The following SGCZ variants were observed in gnomAD, a reference collection of about 807,000 sequenced individuals.
SGCZ encodes the protein sarcoglycan zeta.
In SGCZ, 40 loss-of-function variants were observed where a neutral mutation model predicts 41.3. The observed-to-expected ratio is 0.97, with a 90% CI of 0.75 to 1.26. The LOEUF is 1.26. SGCZ is among the 50% of genes most tolerant of loss of function. SGCZ has a pLI of 0.00. For synonymous variants in SGCZ, 206 were observed against 137.5 expected, an observed-to-expected ratio of 1.50 and a Z score of -3.49; for missense variants, 552 against 369.8, an observed-to-expected ratio of 1.49 and a Z score of -4.04.
intron 1 of SGCZ, among the ~76,000 whole-genome samples, chr8:14,902,617 G>A (rs1435263567): frequency 6.6e-6 from 1 of 152,110 alleles, no homozygotes; most frequent in African/African-American, 2.4e-5. Flanking sequence ...GGGATTTGGT[G>A]AATACTATGC....
intron 1 of SGCZ, among the ~76,000 whole-genome samples, chr8:14,945,150 T>C (rs889488990): frequency 5.6e-5 from 4 of 71,334 alleles, no homozygotes; most frequent in Non-Finnish European, 1.0e-4. Flanking sequence ...TTAGGCAATG[T>C]TGTGTGTGGG....
intron 1 of SGCZ, among the ~76,000 whole-genome samples, chr8:14,710,806 T>A (rs1809491770): frequency 6.6e-6 from 1 of 152,160 alleles, no homozygotes; most frequent in African/African-American, 2.4e-5. Context: ...AACAACAACA[T>A]AAATCTTTTT....
intron 1 of SGCZ, among the ~76,000 whole-genome samples, chr8:15,157,092 T>C (rs1799354096): frequency 6.6e-6 from 1 of 152,168 alleles, no homozygotes; most frequent in Admixed American, 6.5e-5. Context: ...CATACATACC[T>C]GTACCCAAAT....
intron 3 of SGCZ, among the ~76,000 whole-genome samples, chr8:14,292,016 C>A (rs1310245332): frequency 1.3e-5 from 2 of 151,944 alleles, no homozygotes; most frequent in African/African-American, 4.8e-5. Flanking sequence ...AGAAATAATG[C>A]ATCATATTTT....
chr8:14,648,203 C>CA (rs898044860), intron 1 of SGCZ, among the ~76,000 whole-genome samples: 19 of 152,084 alleles, frequency 1.2e-4, no homozygotes, highest in Admixed American at 9.2e-4. Context: ...TCAAAATAAT[C>CA]AAAAAATATT....
chr8:15,201,775 C>A (rs1456138478), intron 1 of SGCZ, among the ~76,000 whole-genome samples: 1 of 152,172 alleles, frequency 6.6e-6, no homozygotes, highest in South Asian at 2.1e-4. Flanking sequence ...TGGTAACATA[C>A]TTGAAAAGCA....
At chr8:14,303,833 C>G (rs545864169) in intron 3 of SGCZ, among the ~76,000 whole-genome samples, 2 of 152,182 alleles carry the variant, frequency 1.3e-5, no homozygotes, top group Non-Finnish European at 2.9e-5. Context: ...CTCACTGCAA[C>G]CTCCATTCCC....
At chr8:14,567,284 G>A (rs1804401443) in intron 1 of SGCZ, among the ~76,000 whole-genome samples, 1 of 152,230 alleles carries the variant, frequency 6.6e-6, no homozygotes, top group Admixed American at 6.5e-5. Context: ...TCCACTGGGT[G>A]AAGCCAGCTG....
chr8:15,201,847 A>ATTT (rs909626300), intron 1 of SGCZ, among the ~76,000 whole-genome samples: 2 of 152,080 alleles, frequency 1.3e-5, no homozygotes, highest in African/African-American at 2.4e-5. Context: ...TGACATCTCT[A>ATTT]TTTTTTCAGT....
intron 1 of SGCZ, among the ~76,000 whole-genome samples, chr8:14,840,855 A>G (rs557088231): frequency 6.6e-6 from 1 of 152,220 alleles, no homozygotes; most frequent in Non-Finnish European, 1.5e-5. Context: ...ATTGATGTAT[A>G]ACTTTTGTGT....
At chr8:14,721,538 C>T (rs1417367882) in intron 1 of SGCZ, among the ~76,000 whole-genome samples, 1 of 152,148 alleles carries the variant, frequency 6.6e-6, no homozygotes, top group Admixed American at 6.6e-5. Context: ...ATCAATAAAT[C>T]CCACTGGCCT....
intron 1 of SGCZ, among the ~76,000 whole-genome samples, chr8:15,107,511 T>C (rs968575614): frequency 2.6e-5 from 4 of 152,146 alleles, no homozygotes; most frequent in Non-Finnish European, 4.4e-5. Context: ...AAGGTCTCCT[T>C]GTCTCCGTAC....
At chr8:14,176,438 A>T (rs954932173) in intron 4 of SGCZ, among the ~76,000 whole-genome samples, 3 of 152,220 alleles carry the variant, frequency 2.0e-5, no homozygotes, top group African/African-American at 7.2e-5. Flanking sequence ...GTAATTAGTA[A>T]GTGTTTCAAA....
At chr8:14,796,686 C>G (rs979859479) in intron 1 of SGCZ, among the ~76,000 whole-genome samples, 2 of 152,162 alleles carry the variant, frequency 1.3e-5, no homozygotes, top group Non-Finnish European at 2.9e-5. Context: ...AACATCAACT[C>G]AACTGGGCAG....
At chr8:14,843,135 C>T (rs987392975) in intron 1 of SGCZ, among the ~76,000 whole-genome samples, 3 of 152,084 alleles carry the variant, frequency 2.0e-5, no homozygotes, top group African/African-American at 7.2e-5. Context: ...TTGCTTGAAC[C>T]CAGGAGGTGG....
At chr8:14,112,608 G>A (rs1802409388) in intron 5 of SGCZ, among the ~76,000 whole-genome samples, 1 of 151,688 alleles carries the variant, frequency 6.6e-6, no homozygotes, top group African/African-American at 2.4e-5. Flanking sequence ...ATCTAAATTG[G>A]TACTAAAATC....
intron 2 of SGCZ, among the ~76,000 whole-genome samples, chr8:14,543,855 G>C (rs184522637): frequency 1.3e-5 from 2 of 152,174 alleles, no homozygotes; most frequent in East Asian, 3.9e-4. Context: ...CTACATATTT[G>C]ACTACTTAGT....
intron 4 of SGCZ, among the ~76,000 whole-genome samples, chr8:14,199,495 G>C (rs896588629): frequency 1.3e-5 from 2 of 152,022 alleles, no homozygotes; most frequent in African/African-American, 4.8e-5. Flanking sequence ...TTATTACCTT[G>C]TGAAGCATGT....
chr8:14,237,463 A>G, intron 4 of SGCZ, 129 bp downstream of exon 4: 1 of 847,198 alleles, frequency 1.2e-6, no homozygotes, highest in Non-Finnish European at 1.9e-6. Flanking sequence ...CAGCCTGGTG[A>G]CAGAGTGAGA....
Sources: gnomAD v4.1 joint callset for allele counts (sites outside exome capture counted in the v4.1 genomes callset) on GRCh38, gnomAD v4.1.1 for gene constraint, MANE v1.5 for transcripts, NCBI Gene and HGNC (gene_info 2026-07-23, HGNC 2026-07-21) for gene names.